Variants in DNAJC1 observed in about 807,000 individuals in gnomAD.
The protein encoded by DNAJC1 is DnaJ heat shock protein family (Hsp40) member C1, also known as dnaJ homolog subfamily C member 1.
In DNAJC1, 58 loss-of-function variants were observed where a neutral mutation model predicts 76.6. The observed-to-expected ratio is 0.76, with a 90% CI of 0.61 to 0.94. The LOEUF (loss-of-function observed/expected upper bound fraction) is 0.94, where lower values mean the gene tolerates loss of function less well. Ranked by LOEUF, DNAJC1 falls within the 40% of genes least tolerant of loss-of-function variation. The probability of loss-of-function intolerance (pLI) is 0.00; values close to 1 mark genes in which losing one functional copy is unlikely to be tolerated. For synonymous variants in DNAJC1, 258 were observed against 267.9 expected (o/e 0.96, Z 0.36); for missense variants, 689 against 677.3 (o/e 1.02, Z -0.19).
rs1838563532 is a variant in DNAJC1 at position 22,003,554 on chromosome 10, C to T, written c.-120G>A. ...CAGTGAAAAGCGCGGGCAGGCGCACCGGAGCGGCCCGCCAGGTGGCTGGCC... is the reference window on the plus strand; with the variant it reads ...CAGTGAAAAGCGCGGGCAGGCGCACTGGAGCGGCCCGCCAGGTGGCTGGCC... On this transcript the variant is annotated 5_prime_UTR_variant, in exon 1 of 12. Transcript: ENST00000376980. The T allele has an allele frequency of 8.5e-7, 1 of 1,181,448 alleles. No individual in the cohort carries two copies. The allele number at this position is 1,181,448 out of a possible 1,614,324, so 73.2% of individuals were successfully genotyped here.
chr10:21,971,037 T>C (rs1250620700), intron 1 of DNAJC1, among the ~76,000 whole-genome samples: 2 of 151,934 alleles, frequency 1.3e-5, no homozygotes, highest in African/African-American at 4.8e-5. Context: ...TCACCTTACA[T>C]AAGTATCTTT....
chr10:21,795,380 C>G (rs977848704), intron 9 of DNAJC1, among the ~76,000 whole-genome samples: 6 of 152,036 alleles, frequency 3.9e-5, no homozygotes, highest in South Asian at 2.1e-4. Flanking sequence ...GTGAAAGCAG[C>G]CATATGTGAA....
chr10:21,893,140 A>G (rs1836484792), intron 7 of DNAJC1, among the ~76,000 whole-genome samples: 1 of 152,206 alleles, frequency 6.6e-6, no homozygotes, highest in African/African-American at 2.4e-5. Context: ...ACAGACCTGA[A>G]CAAACTTAAA....
chr10:21,918,898 C>T (rs939613428), intron 5 of DNAJC1, 26 bp from the exon 6 acceptor site: 3 of 1,500,044 alleles, frequency 2.0e-6, no homozygotes, highest in African/African-American at 1.4e-5. Flanking sequence ...AAAAAGAACA[C>T]CATACAACAT....
At chr10:21,883,395 T>A (rs1243329036) in intron 7 of DNAJC1, among the ~76,000 whole-genome samples, 1 of 152,086 alleles carries the variant, frequency 6.6e-6, no homozygotes, top group Non-Finnish European at 1.5e-5. Flanking sequence ...CATGTGTACG[T>A]GTGTATGTGT....
At chr10:21,834,126 C>T (rs950303665) in intron 8 of DNAJC1, among the ~76,000 whole-genome samples, 10 of 151,744 alleles carry the variant, frequency 6.6e-5, no homozygotes, top group African/African-American at 1.9e-4. Context: ...TAACCGGGCA[C>T]GGTGGCGGGC....
chr10:21,963,518 A>T (rs1837837349), intron 1 of DNAJC1, among the ~76,000 whole-genome samples: 1 of 152,238 alleles, frequency 6.6e-6, no homozygotes, highest in African/African-American at 2.4e-5. Flanking sequence ...AGGTTTACAA[A>T]GAAAACTATT....
At chr10:21,958,574 G>A (rs755318286) in intron 1 of DNAJC1, among the ~76,000 whole-genome samples, 5 of 151,882 alleles carry the variant, frequency 3.3e-5, no homozygotes, top group African/African-American at 1.2e-4. Flanking sequence ...ACTACAGTGC[G>A]TGCCACCACG....
intron 1 of DNAJC1, among the ~76,000 whole-genome samples, chr10:21,959,627 A>C (rs1311040424): frequency 6.6e-6 from 1 of 151,608 alleles, no homozygotes; most frequent in Non-Finnish European, 1.5e-5. Flanking sequence ...CTCTACTGAA[A>C]ATACAAAAAT....
chr10:21,830,218 CT>C (rs1177116344), intron 8 of DNAJC1, among the ~76,000 whole-genome samples: 3 of 152,222 alleles, frequency 2.0e-5, no homozygotes, highest in South Asian at 2.1e-4. Flanking sequence ...ACTACCCTCT[CT>C]TTTTTTCTAC....
chr10:21,907,705 G>A (rs1282002940), intron 6 of DNAJC1, among the ~76,000 whole-genome samples: 1 of 151,880 alleles, frequency 6.6e-6, no homozygotes, highest in East Asian at 1.9e-4. Context: ...AGCCAGGTGT[G>A]GTGGCTCACA....
chr10:21,773,067 C>A (rs998941105), intron 9 of DNAJC1, among the ~76,000 whole-genome samples: 29 of 152,160 alleles, frequency 1.9e-4, no homozygotes, highest in Non-Finnish European at 4.3e-4. Context: ...TCACCTCCCA[C>A]AAGGACCCAC....
At chr10:21,787,492 C>T (rs1478624639) in intron 9 of DNAJC1, among the ~76,000 whole-genome samples, 2 of 152,110 alleles carry the variant, frequency 1.3e-5, no homozygotes, top group Non-Finnish European at 2.9e-5. Context: ...ACCCGTAGTG[C>T]TCATCCCTTC....
In DNAJC1 at chr10:21,756,559, T is replaced by A; in HGVS notation, c.*128A>T. 1.5e-6 allele frequency: 1 copy of A among 659,478 alleles called. No individual in the cohort carries two copies. Among genetic ancestry groups the A allele is most frequent in the South Asian group, 1.9e-5 (1 of 53,550 alleles). The allele number at this position is 659,478 out of a possible 1,614,324, so 40.9% of individuals were successfully genotyped here. ...GTATAGCACAACACTCATCTTTTAT[T>A]TATTTATTATTTTTTTTTACTAAGG... is the stretch of plus-strand genomic sequence containing the variant. On this transcript the variant is annotated 3_prime_UTR_variant, in exon 12 of 12. Coordinates refer to ENST00000376980, the MANE Select transcript of DNAJC1 (RefSeq NM_022365.4).
chr10:21,960,243 A>G (rs1489267678), intron 1 of DNAJC1, among the ~76,000 whole-genome samples: 1 of 152,218 alleles, frequency 6.6e-6, no homozygotes, highest in African/African-American at 2.4e-5. Flanking sequence ...TAACATCTTA[A>G]ACTTGTAACA....
chr10:21,917,126 T>TA (rs914032598), intron 6 of DNAJC1, among the ~76,000 whole-genome samples: 10 of 151,998 alleles, frequency 6.6e-5, no homozygotes, highest in Non-Finnish European at 1.3e-4. Context: ...AGTGATCAGT[T>TA]AAAAAAAGCA....
intron 9 of DNAJC1, among the ~76,000 whole-genome samples, chr10:21,802,026 G>C (rs1050905087): frequency 1.3e-5 from 2 of 152,088 alleles, no homozygotes; most frequent in African/African-American, 4.8e-5. Context: ...AATAACTATT[G>C]GGTAGTAGGC....
At chr10:21,854,402 A>G (rs1401255888) in intron 8 of DNAJC1, among the ~76,000 whole-genome samples, 1 of 151,724 alleles carries the variant, frequency 6.6e-6, no homozygotes, top group African/African-American at 2.4e-5. Flanking sequence ...TGTATTTTAA[A>G]TATTATCAAA....
At chr10:21,825,246 CA>C (rs1835229000) in intron 8 of DNAJC1, among the ~76,000 whole-genome samples, 1 of 152,212 alleles carries the variant, frequency 6.6e-6, no homozygotes, top group Admixed American at 6.5e-5. Context: ...CTGGAAAACA[CA>C]TATTTGCATT....
Sources: allele counts gnomAD v4.1 joint callset (sites outside exome capture counted in the v4.1 genomes callset), GRCh38; gene constraint gnomAD v4.1.1; transcripts MANE v1.5; gene names NCBI Gene and HGNC (gene_info 2026-07-23, HGNC 2026-07-21).